ZC3H18: variants seen among roughly 807,000 people sequenced by gnomAD.
The protein encoded by ZC3H18 is zinc finger CCCH domain-containing protein 18.
Under a neutral mutation model 106.1 loss-of-function variants are expected in ZC3H18, and 8 were observed. That is an observed-to-expected ratio of 0.08 (90% CI 0.04 to 0.14). The LOEUF (loss-of-function observed/expected upper bound fraction) is 0.14, where lower values mean the gene tolerates loss of function less well. Among genes scored for constraint, ZC3H18 ranks in the 10% least tolerant of loss-of-function variants. The pLI is 1.00. For missense variants in ZC3H18, 1,318 were observed against 1,278.4 expected, an observed-to-expected ratio of 1.03 and a Z score of -0.47; for synonymous variants, 635 against 522.1, an observed-to-expected ratio of 1.22 and a Z score of -2.95.
intron 1 of ZC3H18, among the ~76,000 whole-genome samples, chr16:88,571,091 A>T (rs1914376406): frequency 6.6e-6 from 1 of 152,162 alleles, no homozygotes; most frequent in Admixed American, 6.5e-5. Flanking sequence ...GGAGTATGTA[A>T]CTTCCTTGCC....
chr16:88,601,731 T>C (rs1904759509), intron 6 of ZC3H18, among the ~76,000 whole-genome samples: 2 of 152,000 alleles, frequency 1.3e-5, no homozygotes. Context: ...TTCTGTATGT[T>C]TGTATTTTGT....
chr16:88,612,191 T>G (rs1225456578), intron 8 of ZC3H18, among the ~76,000 whole-genome samples: 2 of 152,200 alleles, frequency 1.3e-5, no homozygotes, highest in East Asian at 3.9e-4. Context: ...TAGAGCAGAA[T>G]GGATGGGCGT....
At chr16:88,614,066 C>T (rs1277184255) in intron 8 of ZC3H18, among the ~76,000 whole-genome samples, 2 of 152,234 alleles carry the variant, frequency 1.3e-5, no homozygotes, top group Admixed American at 1.3e-4. Flanking sequence ...GAGATCCTTC[C>T]AGGGCCATGG....
chr16:88,573,757 A>G (rs62050270), intron 1 of ZC3H18, among the ~76,000 whole-genome samples: 32,093 of 151,866 alleles, frequency 0.21, 4,386 homozygotes, highest in Non-Finnish European at 0.29. Flanking sequence ...CTGTCTCTGG[A>G]TAGTAACCGA....
rs1163154623 is a variant in ZC3H18 at position 88,570,570 on chromosome 16, A to G, written c.-15+4A>G. The G allele has an allele frequency of 1.3e-5, 2 of 151,636 alleles. No individual in the cohort carries two copies. Among genetic ancestry groups the G allele is most frequent in the Middle Eastern group, 3.2e-3 (1 of 314 alleles). The allele number at this position is 151,636 out of a possible 1,614,324, so 9.4% of individuals were successfully genotyped here. On this transcript the variant is annotated splice_donor_region_variant and intron_variant, in intron 1 of 17. Transcript: ENST00000301011. ...TCCTCTCCGCCCTAGCGCTGAGGTT[A>G]GCTGGGGCCGGGAGGGCGGCGGGAG...
intron 1 of ZC3H18, chr16:88,571,498 C>A (rs192455119): frequency 4.2e-6 from 2 of 476,396 alleles, no homozygotes; most frequent in Non-Finnish European, 5.5e-6. Flanking sequence ...CGCTTCCCAG[C>A]TTTGGGAGGA....
intron 7 of ZC3H18, 27 bp downstream of exon 7, chr16:88,609,078 T>C (rs199627479): frequency 2.5e-4 from 390 of 1,543,968 alleles, no homozygotes; most frequent in Non-Finnish European, 3.1e-4. Context: ...TATCCACATA[T>C]GAACTTCATG....
Position 88,627,303 on chromosome 16 carries a change from C to G in ZC3H18, c.2109-319C>G. On this transcript the variant is annotated intron_variant, in intron 13 of 17. Transcript: ENST00000301011. The surrounding 1 kb of genome is among the most constrained non-coding windows in gnomAD (Gnocchi z 4.5). ...CAAGCTGGTCCCGAACTCCTGACAT[C>G]AGTTCAGCTGGGTCTCAGACCCCAT... 4.4e-6 allele frequency: 1 copy of G among 228,514 alleles called. No individual in the cohort carries two copies. Among genetic ancestry groups the G allele is most frequent in the Non-Finnish European group, 8.6e-6 (1 of 116,536 alleles). The allele number at this position is 228,514 out of a possible 1,614,324, so 14.2% of individuals were successfully genotyped here. A position where few individuals can be genotyped will look rare whatever the true frequency, so the allele number is the denominator to read the frequency against.
intron 1 of ZC3H18, among the ~76,000 whole-genome samples, chr16:88,576,747 A>C (rs987541438): frequency 6.6e-6 from 1 of 151,816 alleles, no homozygotes; most frequent in African/African-American, 2.4e-5. Flanking sequence ...AAAAGTAAAT[A>C]CTCCTCTAAG....
intron 6 of ZC3H18, among the ~76,000 whole-genome samples, chr16:88,605,551 G>A (rs891263604): frequency 2.0e-5 from 3 of 152,260 alleles, no homozygotes; most frequent in Non-Finnish European, 1.5e-5. Context: ...ACCCTTTGCA[G>A]AGCACAGCCT....
chr16:88,621,891 G>T (rs928221530), intron 8 of ZC3H18, among the ~76,000 whole-genome samples: 1 of 152,180 alleles, frequency 6.6e-6, no homozygotes, highest in Non-Finnish European at 1.5e-5. Context: ...AGCTGACAGC[G>T]TAGTTGGAAA....
intron 8 of ZC3H18, among the ~76,000 whole-genome samples, chr16:88,616,857 C>G (rs1314003131): frequency 6.6e-6 from 1 of 152,170 alleles, no homozygotes; most frequent in Non-Finnish European, 1.5e-5. Context: ...TGCACCAGGG[C>G]TAGGCCTTGC....
chr16:88,614,241 A>G (rs930424820), intron 8 of ZC3H18, among the ~76,000 whole-genome samples: 2 of 152,312 alleles, frequency 1.3e-5, no homozygotes, highest in Admixed American at 6.5e-5. Context: ...CAGTGGCCAC[A>G]CTTGGAGGGG....
chr16:88,610,469 C>T (rs1168700105), intron 7 of ZC3H18, among the ~76,000 whole-genome samples: 1 of 152,158 alleles, frequency 6.6e-6, no homozygotes, highest in African/African-American at 2.4e-5. Context: ...GCTGCTTACC[C>T]CTGGGCAGGG....
chr16:88,615,163 C>T (rs1382486512), intron 8 of ZC3H18, among the ~76,000 whole-genome samples: 1 of 146,974 alleles, frequency 6.8e-6, no homozygotes, highest in African/African-American at 2.5e-5. Flanking sequence ...TCCTCCATTC[C>T]CTCTGCCTTT....
chr16:88,583,178 T>C (rs4782499), intron 2 of ZC3H18, among the ~76,000 whole-genome samples: 22,638 of 152,262 alleles, frequency 0.15, 1,963 homozygotes, highest in Non-Finnish European at 0.2. Context: ...GAAGCTCCAG[T>C]GTGAAATAAC....
chr16:88,600,539 G>A (rs1414645777), intron 6 of ZC3H18, among the ~76,000 whole-genome samples: 6 of 152,138 alleles, frequency 3.9e-5, no homozygotes, highest in Admixed American at 3.9e-4. Flanking sequence ...TCAGCCTCCT[G>A]AGTAGCTGGA....
rs370061345 is a variant in ZC3H18 at position 88,622,198 on chromosome 16, C to A, written c.1477C>A (p.Arg493Ser). The change falls in exon 9 of 18, where the codon CGC becomes AGC. Residue 493 changes from arginine to serine, a missense_variant and splice_region_variant. Physicochemically the swap from Arg to Ser is moderately radical, Grantham distance 110. Around this residue, in one of 6 missense-constraint regions of ZC3H18, gnomAD observed 848 missense variants for 821.7 expected, o/e 1.03. Coordinates refer to ENST00000301011, the MANE Select transcript of ZC3H18 (RefSeq NM_144604.4). ...TTGCTAATGCCTCTGTAATTTCAGCCGCCAAGCTGAGCCACCAAAGAAGGA... is the reference window on the plus strand; with the variant it reads ...TTGCTAATGCCTCTGTAATTTCAGCAGCCAAGCTGAGCCACCAAAGAAGGA... ...PKPRSPQPPS[R>S]QAEPPKKEAA... 1 of 1,606,662 alleles carries A rather than the reference C, an allele frequency of 6.2e-7. No homozygotes were observed. Among genetic ancestry groups the A allele is most frequent in the Non-Finnish European group, 8.5e-7 (1 of 1,174,998 alleles).
intron 3 of ZC3H18, 49 bp downstream of exon 3, chr16:88,586,733 T>C: frequency 6.7e-7 from 1 of 1,499,672 alleles, no homozygotes; most frequent in Non-Finnish European, 9.3e-7. Flanking sequence ...GGGCCCCACC[T>C]TCTGGGGCTG....
Sources: allele counts gnomAD v4.1 joint callset (sites outside exome capture counted in the v4.1 genomes callset), GRCh38; gene constraint gnomAD v4.1.1; regional missense constraint gnomAD v4.1.1; non-coding constraint Gnocchi (gnomAD v3.1); transcripts MANE v1.5; gene names NCBI Gene and HGNC (gene_info 2026-07-23, HGNC 2026-07-21).